Variants in NBAS observed in about 807,000 individuals in gnomAD.
The protein encoded by NBAS is NAG/BC035112 fusion.
Under a neutral mutation model 302.5 loss-of-function variants are expected in NBAS, and 219 were observed. The observed-to-expected ratio is 0.72, with a 90% CI of 0.65 to 0.81. The LOEUF (loss-of-function observed/expected upper bound fraction) is 0.81. Ranked by LOEUF, NBAS falls within the 30% of genes least tolerant of loss-of-function variation. NBAS has a pLI of 0.00. For synonymous variants in NBAS, 1,118 were observed against 1,021.6 expected, an observed-to-expected ratio of 1.09 and a Z score of -1.80; for missense variants, 2,932 against 2,841.6, an observed-to-expected ratio of 1.03 and a Z score of -0.72.
At chr2:15,354,426 T>G (rs1171549932) in intron 33 of NBAS, among the ~76,000 whole-genome samples, 1 of 152,162 alleles carries the variant, frequency 6.6e-6, no homozygotes, top group Non-Finnish European at 1.5e-5. Context: ...ACAGAATAAT[T>G]TTTTTCTAAA....
the NBAS span, among the ~76,000 whole-genome samples, chr2:15,004,996 A>C: frequency 6.6e-6 from 1 of 152,126 alleles, no homozygotes; most frequent in East Asian, 1.9e-4. Context: ...TTAACACCCA[A>C]ACTGACAACA....
At chr2:15,378,428 G>A (rs949396922) in intron 30 of NBAS, among the ~76,000 whole-genome samples, 2 of 152,114 alleles carry the variant, frequency 1.3e-5, no homozygotes, top group African/African-American at 4.8e-5. Flanking sequence ...AGCAGGCAGG[G>A]GACAGAGGAC....
the NBAS span, among the ~76,000 whole-genome samples, chr2:15,034,277 AG>A: frequency 4.6e-5 from 4 of 87,882 alleles, no homozygotes; most frequent in South Asian, 3.5e-4. Flanking sequence ...AGAAAGAAAG[AG>A]AGAAAGAAAG....
At chr2:14,865,144 C>T in the NBAS span, among the ~76,000 whole-genome samples, 5 of 152,160 alleles carry the variant, frequency 3.3e-5, no homozygotes, top group Admixed American at 1.3e-4. Flanking sequence ...TAAGTCACTC[C>T]TACCTCACTG....
chr2:15,368,500 G>C (rs73198604), intron 31 of NBAS, among the ~76,000 whole-genome samples: 22 of 152,048 alleles, frequency 1.4e-4, no homozygotes, highest in Non-Finnish European at 2.8e-4. Context: ...ACCTGGCCTA[G>C]ACTCTCTTAA....
Position 15,427,681 on chromosome 2 carries a change from C to A in NBAS, c.2423+30G>T. ...TCAGTTCACCCATCCCACAAAGAAA[C>A]AAAGATGCCTCCTGCAGGCTCATAC... On this transcript the variant is annotated intron_variant, in intron 22 of 51. Transcript: ENST00000281513. 2.5e-6 allele frequency: 4 copies of A among 1,568,878 alleles called. No individual in the cohort carries two copies. The South Asian group carries it at 4.6e-5, about 18-fold the overall frequency.
At chr2:15,367,742 A>G (rs1388690629) in intron 31 of NBAS, among the ~76,000 whole-genome samples, 2 of 152,140 alleles carry the variant, frequency 1.3e-5, no homozygotes, top group South Asian at 2.1e-4. Flanking sequence ...GACGGGGGAG[A>G]TAAAGAAGAG....
intron 6 of NBAS, among the ~76,000 whole-genome samples, chr2:15,540,223 C>A (rs906415099): frequency 1.3e-5 from 2 of 152,056 alleles, no homozygotes; most frequent in African/African-American, 4.8e-5. Flanking sequence ...CAAGGTGTCA[C>A]CTTGAGTCAA....
chr2:15,448,130 T>C (rs1246485371), intron 21 of NBAS, among the ~76,000 whole-genome samples: 1 of 152,232 alleles, frequency 6.6e-6, no homozygotes, highest in African/African-American at 2.4e-5. Flanking sequence ...TCAACATGAA[T>C]TTTGGAGAGG....
At chr2:15,158,038 G>T in the NBAS span, among the ~76,000 whole-genome samples, 1 of 152,172 alleles carries the variant, frequency 6.6e-6, no homozygotes, top group Non-Finnish European at 1.5e-5. Flanking sequence ...AGGGAACCGG[G>T]GGGACTCTCT....
At chr2:15,400,489 T>C (rs531885964) in intron 26 of NBAS, among the ~76,000 whole-genome samples, 1 of 152,020 alleles carries the variant, frequency 6.6e-6, no homozygotes, top group Non-Finnish European at 1.5e-5. Context: ...GGAAAGGACT[T>C]CCATAAAAGG....
At chr2:14,947,943 C>T in the NBAS span, among the ~76,000 whole-genome samples, 5 of 151,658 alleles carry the variant, frequency 3.3e-5, no homozygotes, top group East Asian at 9.7e-4. Context: ...ATATGTTGAA[C>T]CATTCTTGCA....
At chr2:15,529,843 T>G (rs144993958) in intron 9 of NBAS, among the ~76,000 whole-genome samples, 2 of 152,308 alleles carry the variant, frequency 1.3e-5, no homozygotes, top group East Asian at 3.9e-4. Flanking sequence ...TATAAGAATT[T>G]GACAAAAAAT....
the NBAS span, among the ~76,000 whole-genome samples, chr2:14,979,160 C>A: frequency 6.6e-6 from 1 of 152,092 alleles, no homozygotes; most frequent in Non-Finnish European, 1.5e-5. Flanking sequence ...ATACAAAATG[C>A]AATAACACTA....
chr2:15,064,388 T>C, the NBAS span, among the ~76,000 whole-genome samples: 1 of 150,062 alleles, frequency 6.7e-6, no homozygotes, highest in Non-Finnish European at 1.5e-5. Context: ...CTATGAACAA[T>C]TAAACATCAA....
At chr2:14,832,040 G>A in the NBAS span, among the ~76,000 whole-genome samples, 1 of 152,166 alleles carries the variant, frequency 6.6e-6, no homozygotes, top group Admixed American at 6.5e-5. Flanking sequence ...CGAGTAGTCT[G>A]GGTCAGGCCT....
At chr2:15,303,261 G>GT (rs1314587518) in intron 40 of NBAS, among the ~76,000 whole-genome samples, 5 of 152,198 alleles carry the variant, frequency 3.3e-5, no homozygotes, top group Admixed American at 2.0e-4. Flanking sequence ...GAGATGGTGG[G>GT]TTGATAGAAG....
At chr2:15,137,025 A>G in the NBAS span, among the ~76,000 whole-genome samples, 1 of 152,096 alleles carries the variant, frequency 6.6e-6, no homozygotes, top group African/African-American at 2.4e-5. Context: ...GAGTATGAGA[A>G]CCGATTAATA....
chr2:15,551,767 T>C (rs533465488), intron 5 of NBAS, among the ~76,000 whole-genome samples: 2 of 152,338 alleles, frequency 1.3e-5, no homozygotes, highest in African/African-American at 2.4e-5. Context: ...ATATGGAATA[T>C]AGTGACACAG....
Sources: gnomAD v4.1 joint callset for allele counts (sites outside exome capture counted in the v4.1 genomes callset) on GRCh38, gnomAD v4.1.1 for gene constraint, MANE v1.5 for transcripts, NCBI Gene and HGNC (gene_info 2026-07-23, HGNC 2026-07-21) for gene names.